Variants in ARL15 observed in about 807,000 individuals in gnomAD.
ARL15 encodes ADP-ribosylation factor-like protein 15.
A neutral mutation model predicts 25.2 loss-of-function variants in ARL15; 19 were observed. The ratio of observed to expected loss-of-function variants is 0.75; its 90% CI spans 0.53 to 1.10. The LOEUF (loss-of-function observed/expected upper bound fraction) is 1.10. ARL15 is among the 50% of genes least tolerant of loss of function. ARL15 has a pLI of 0.00. For synonymous variants in ARL15, 94 were observed against 86.8 expected (o/e 1.08, Z -0.46); for missense variants, 220 against 246.0 (o/e 0.89, Z 0.71).
intron 1 of ARL15, among the ~76,000 whole-genome samples, chr5:54,197,177 T>A (rs1351939315): frequency 6.6e-6 from 1 of 152,040 alleles, no homozygotes; most frequent in African/African-American, 2.4e-5. Flanking sequence ...AGTAGCAGAG[T>A]CCAAATTGTT....
At chr5:54,246,944 G>A (rs1040591393) in intron 1 of ARL15, among the ~76,000 whole-genome samples, 4 of 151,842 alleles carry the variant, frequency 2.6e-5, no homozygotes, top group Non-Finnish European at 5.9e-5. Flanking sequence ...CAGGATGGTC[G>A]GGGAAGCATA....
intron 4 of ARL15, among the ~76,000 whole-genome samples, chr5:54,031,662 A>C (rs1045595349): frequency 6.6e-6 from 1 of 152,156 alleles, no homozygotes; most frequent in African/African-American, 2.4e-5. Context: ...CATTCTACCA[A>C]AAAACAAATT....
chr5:53,960,672 C>A (rs1747333654), intron 4 of ARL15, among the ~76,000 whole-genome samples: 1 of 152,186 alleles, frequency 6.6e-6, no homozygotes, highest in African/African-American at 2.4e-5. Flanking sequence ...ATATGTCTGA[C>A]TTGTTTTCTT....
intron 4 of ARL15, among the ~76,000 whole-genome samples, chr5:53,890,112 C>T (rs1744664028): frequency 6.6e-6 from 1 of 152,140 alleles, no homozygotes; most frequent in Admixed American, 6.5e-5. Context: ...TGGGCCTGGC[C>T]TAGGATAACA....
intron 1 of ARL15, among the ~76,000 whole-genome samples, chr5:54,255,057 T>C (rs1163588446): frequency 6.6e-6 from 1 of 152,184 alleles, no homozygotes; most frequent in African/African-American, 2.4e-5. Flanking sequence ...GCTAACCACC[T>C]TGGCCAATTA....
intron 1 of ARL15, among the ~76,000 whole-genome samples, chr5:54,176,390 T>C (rs1282449150): frequency 6.6e-6 from 1 of 151,996 alleles, no homozygotes; most frequent in African/African-American, 2.4e-5. Context: ...TCTGAGTCAG[T>C]TCCTAAAAAC....
chr5:53,996,389 C>G (rs1465921499), intron 4 of ARL15, among the ~76,000 whole-genome samples: 1 of 151,656 alleles, frequency 6.6e-6, no homozygotes, highest in East Asian at 2.0e-4. Context: ...GAGACTGAGG[C>G]GGGTAGATCA....
intron 1 of ARL15, among the ~76,000 whole-genome samples, chr5:54,303,750 GA>G (rs1207541673): frequency 3.5e-5 from 5 of 140,964 alleles, no homozygotes; most frequent in Non-Finnish European, 6.1e-5. Context: ...GAGGGGAGGG[GA>G]AAGGAGGGGA....
chr5:53,910,674 A>ATAT (rs1374904754), intron 4 of ARL15, among the ~76,000 whole-genome samples: 4 of 87,740 alleles, frequency 4.6e-5, no homozygotes, highest in African/African-American at 1.8e-4. Context: ...TATATATATA[A>ATAT]AGAAAACGTC....
At chr5:54,062,124 A>C (rs765871339) in intron 4 of ARL15, among the ~76,000 whole-genome samples, 4 of 152,120 alleles carry the variant, frequency 2.6e-5, no homozygotes, top group Non-Finnish European at 5.9e-5. Flanking sequence ...AATTTCTCCC[A>C]TTTGGAATGG....
At chr5:53,939,139 T>A (rs1746446679) in intron 4 of ARL15, among the ~76,000 whole-genome samples, 1 of 152,312 alleles carries the variant, frequency 6.6e-6, no homozygotes, top group South Asian at 2.1e-4. Context: ...TGATTAGATT[T>A]ACAAAGAGCT....
chr5:54,285,273 G>T, intron 1 of ARL15: 1 of 658,742 alleles, frequency 1.5e-6, no homozygotes. Context: ...GTTTAAGAGA[G>T]GTCTATAGAA....
chr5:54,061,873 A>T (rs984055821), intron 4 of ARL15, among the ~76,000 whole-genome samples: 2 of 152,118 alleles, frequency 1.3e-5, no homozygotes, highest in African/African-American at 4.8e-5. Context: ...GACAGCTCAC[A>T]CCTTGCACCC....
chr5:54,148,914 A>G (rs961514798), intron 3 of ARL15, among the ~76,000 whole-genome samples: 1 of 152,232 alleles, frequency 6.6e-6, no homozygotes, highest in African/African-American at 2.4e-5. Flanking sequence ...CAATTCACAC[A>G]TACAATTTCA....
chr5:53,984,078 C>T (rs538631121), intron 4 of ARL15, among the ~76,000 whole-genome samples: 7 of 152,296 alleles, frequency 4.6e-5, no homozygotes, highest in South Asian at 2.1e-4. Context: ...AGTGACCGCC[C>T]TGGATATTAA....
Position 54,058,059 on chromosome 5 carries a change from G to T in ARL15, c.462+55143C>A, listed in dbSNP as rs1458384978. ...TCGCTCTTGTTCCCCAGGCTGGAATGCAACAGCGCGATCTCGGCTCACTGC... is the reference window on the plus strand; with the variant it reads ...TCGCTCTTGTTCCCCAGGCTGGAATTCAACAGCGCGATCTCGGCTCACTGC... On this transcript the variant is annotated intron_variant, in intron 4 of 4. Transcript: ENST00000504924. Among the ~76,000 whole-genome samples, 3 of 149,578 alleles carry T rather than the reference G, an allele frequency of 2.0e-5. 1 individual carries two copies. The highest frequency in any genetic ancestry group is 7.4e-5 in the African/African-American group (3 of 40,748).
At chr5:54,268,518 G>A (rs1326334168) in intron 1 of ARL15, among the ~76,000 whole-genome samples, 12 of 152,186 alleles carry the variant, frequency 7.9e-5, no homozygotes, top group South Asian at 2.1e-4. Flanking sequence ...GAGGAATTGC[G>A]TTCCTTTGGA....
chr5:54,284,626 A>G (rs920070175), intron 1 of ARL15, among the ~76,000 whole-genome samples: 3 of 152,212 alleles, frequency 2.0e-5, no homozygotes, highest in African/African-American at 2.4e-5. Flanking sequence ...ACTCCTTTTC[A>G]TATTCTCAAA....
intron 4 of ARL15, among the ~76,000 whole-genome samples, chr5:54,088,491 C>A (rs1463459691): frequency 6.6e-6 from 1 of 152,170 alleles, no homozygotes; most frequent in Non-Finnish European, 1.5e-5. Flanking sequence ...TTTTCCCATC[C>A]TTGCCCACTG....
Sources: allele counts gnomAD v4.1 joint callset (sites outside exome capture counted in the v4.1 genomes callset), GRCh38; gene constraint gnomAD v4.1.1; transcripts MANE v1.5; gene names NCBI Gene and HGNC (gene_info 2026-07-23, HGNC 2026-07-21).